The following KCNK2 variants were observed in gnomAD, a reference collection of about 807,000 sequenced individuals.
KCNK2 encodes the protein potassium channel subfamily K member 2.
Under a neutral mutation model 40.5 loss-of-function variants are expected in KCNK2, and 21 were observed. The observed-to-expected ratio is 0.52, with a 90% CI of 0.37 to 0.75. KCNK2 has a LOEUF of 0.75. Among genes scored for constraint, KCNK2 ranks in the 30% least tolerant of loss-of-function variants. KCNK2 has a pLI of 0.00. For synonymous variants in KCNK2, 191 were observed against 202.2 expected, an observed-to-expected ratio of 0.94 and a Z score of 0.47; for missense variants, 399 against 531.6, an observed-to-expected ratio of 0.75 and a Z score of 2.45.
chr1:215,141,719 C>T (rs1047491651), intron 3 of KCNK2, among the ~76,000 whole-genome samples: 1 of 152,010 alleles, frequency 6.6e-6, no homozygotes, highest in Non-Finnish European at 1.5e-5. Context: ...TTTATTGTCT[C>T]CTGGCAACTG....
At chr1:215,064,351 TTTTG>T (rs1236965953) in intron 1 of KCNK2, among the ~76,000 whole-genome samples, 2 of 151,906 alleles carry the variant, frequency 1.3e-5, no homozygotes, top group Admixed American at 6.6e-5. Context: ...GTGTACGTGT[TTTTG>T]TTTGTGTGTG....
chr1:215,051,115 A>G (rs1272765873), intron 1 of KCNK2, among the ~76,000 whole-genome samples: 2 of 152,108 alleles, frequency 1.3e-5, no homozygotes, highest in African/African-American at 2.4e-5. Context: ...CCCATGCTGG[A>G]GGATAGTGGC....
intron 3 of KCNK2, among the ~76,000 whole-genome samples, chr1:215,141,384 C>T (rs1045591620): frequency 2.0e-5 from 3 of 152,054 alleles, no homozygotes; most frequent in African/African-American, 7.2e-5. Flanking sequence ...TCACCACAAA[C>T]GTGGGTAATA....
intron 3 of KCNK2, among the ~76,000 whole-genome samples, chr1:215,135,630 A>T (rs1661871819): frequency 6.6e-6 from 1 of 152,028 alleles, no homozygotes; most frequent in Non-Finnish European, 1.5e-5. Context: ...TCAGTCCCAA[A>T]CCAGTTATTC....
At chr1:215,069,370 CCTT>C (rs1658670555) in intron 1 of KCNK2, among the ~76,000 whole-genome samples, 1 of 152,160 alleles carries the variant, frequency 6.6e-6, no homozygotes, top group African/African-American at 2.4e-5. Flanking sequence ...GAATTTGACT[CCTT>C]CTTTTGCAAC....
intron 6 of KCNK2, among the ~76,000 whole-genome samples, chr1:215,204,762 A>T (rs189356834): frequency 2.0e-5 from 3 of 152,316 alleles, no homozygotes; most frequent in Admixed American, 1.3e-4. Context: ...CCTCTTTAAG[A>T]TGGCTTTTTC....
intron 6 of KCNK2, among the ~76,000 whole-genome samples, chr1:215,221,586 A>T (rs541132446): frequency 1.3e-5 from 2 of 152,242 alleles, no homozygotes; most frequent in East Asian, 3.9e-4. Context: ...GTGGAAATGA[A>T]CCATCATAAC....
intron 3 of KCNK2, among the ~76,000 whole-genome samples, chr1:215,153,578 ATATT>A (rs1662781394): frequency 7.0e-6 from 1 of 143,332 alleles, no homozygotes; most frequent in Non-Finnish European, 1.6e-5. Context: ...ATATATATAT[ATATT>A]TTTTTTTCTC....
chr1:215,016,488 G>C (rs1313116800), intron 1 of KCNK2, among the ~76,000 whole-genome samples: 1 of 152,018 alleles, frequency 6.6e-6, no homozygotes, highest in Non-Finnish European at 1.5e-5. Context: ...CAGATGCCAA[G>C]AACACACAAT....
chr1:215,221,177 C>A (rs1666156058), intron 6 of KCNK2, among the ~76,000 whole-genome samples: 1 of 152,194 alleles, frequency 6.6e-6, no homozygotes, highest in Admixed American at 6.5e-5. Context: ...AGTTTGAGAC[C>A]AGCCTAGCCA....
At chr1:215,156,083 A>G (rs12083839) in intron 3 of KCNK2, among the ~76,000 whole-genome samples, 16,438 of 105,498 alleles carry the variant, frequency 0.16, 2,769 homozygotes, top group African/African-American at 0.42. Flanking sequence ...GTGTGTGTGT[A>G]TATATATATA....
intron 6 of KCNK2, among the ~76,000 whole-genome samples, chr1:215,226,121 A>G (rs1178398150): frequency 2.6e-5 from 4 of 152,180 alleles, no homozygotes. Context: ...ATTATTTGAG[A>G]TATGTTAGAT....
intron 6 of KCNK2, among the ~76,000 whole-genome samples, chr1:215,215,671 G>A (rs1465967905): frequency 6.6e-6 from 1 of 152,132 alleles, no homozygotes; most frequent in African/African-American, 2.4e-5. Flanking sequence ...TTTGTTAAAA[G>A]GACACTAAAG....
chr1:215,032,697 T>C (rs1657246380), intron 1 of KCNK2, among the ~76,000 whole-genome samples: 1 of 152,176 alleles, frequency 6.6e-6, no homozygotes, highest in Non-Finnish European at 1.5e-5. Context: ...TTTAAATATT[T>C]CACTCCACTT....
At chr1:215,112,991 G>A (rs897237819) in intron 2 of KCNK2, among the ~76,000 whole-genome samples, 1 of 152,120 alleles carries the variant, frequency 6.6e-6, no homozygotes, top group African/African-American at 2.4e-5. Context: ...TGACTATACT[G>A]TATTCTGACA....
At chr1:215,195,208 TC>T in intron 6 of KCNK2, 116 bp downstream of exon 6, 1 of 860,916 alleles carries the variant, frequency 1.2e-6, no homozygotes, top group Non-Finnish European at 1.7e-6. Flanking sequence ...GTTAATATTT[TC>T]TATTTGGCAT....
intron 1 of KCNK2, among the ~76,000 whole-genome samples, chr1:215,073,293 T>A (rs755899158): frequency 5.9e-5 from 9 of 151,724 alleles, no homozygotes; most frequent in Non-Finnish European, 1.3e-4. Flanking sequence ...GCTACATGAG[T>A]TTTTGGCACT....
At chr1:215,113,652 A>G (rs937864535) in intron 2 of KCNK2, among the ~76,000 whole-genome samples, 1 of 152,102 alleles carries the variant, frequency 6.6e-6, no homozygotes, top group African/African-American at 2.4e-5. Context: ...CTGGAGTGCA[A>G]TGGCACGATC....
intron 2 of KCNK2, among the ~76,000 whole-genome samples, chr1:215,115,176 G>T (rs922302946): frequency 6.6e-6 from 1 of 151,972 alleles, no homozygotes; most frequent in African/African-American, 2.4e-5. Context: ...GTGGAAACTT[G>T]AATAATTTTC....
Sources: gnomAD v4.1 joint callset for allele counts (sites outside exome capture counted in the v4.1 genomes callset) on GRCh38, gnomAD v4.1.1 for gene constraint, MANE v1.5 for transcripts, NCBI Gene and HGNC (gene_info 2026-07-23, HGNC 2026-07-21) for gene names.